PNCK: variants seen among roughly 807,000 people sequenced by gnomAD.
PNCK encodes the protein calcium/calmodulin-dependent protein kinase type 1B.
In PNCK, 21 loss-of-function variants were observed where a neutral mutation model predicts 28.3. That is an observed-to-expected ratio of 0.74 (90% CI 0.53 to 1.07). The LOEUF is 1.07. PNCK is among the 50% of genes least tolerant of loss of function. PNCK has a pLI of 0.00. For missense variants in PNCK, 250 were observed against 298.3 expected (o/e 0.84, Z 1.19); for synonymous variants, 136 against 125.2 (o/e 1.09, Z -0.58).
intron 1 of PNCK, chrX:153,687,253 G>T: frequency 4.0e-6 from 1 of 250,809 alleles, no homozygotes; most frequent in South Asian, 3.7e-5. Context: ...GCCTTGCCTT[G>T]TTCCCGCTCC....
chrX:153,683,859 C>A (rs1269886514), intron 1 of PNCK, among the ~76,000 whole-genome samples: 1 of 111,579 alleles, frequency 9.0e-6, no homozygotes, highest in Non-Finnish European at 1.9e-5. Flanking sequence ...GTGGAGCCAT[C>A]TGGTAGTGAG....
chrX:153,671,798 C>A, intron 5 of PNCK, 82 bp downstream of exon 5: 1 of 1,178,036 alleles, frequency 8.5e-7, no homozygotes, highest in Non-Finnish European at 1.1e-6. Context: ...TCAAGAAAGG[C>A]CCCAGCCGTG....
intron 1 of PNCK, chrX:153,673,381 C>T: frequency 2.1e-6 from 2 of 947,082 alleles, no homozygotes; most frequent in Admixed American, 3.4e-5. Context: ...CAGAAGGCTC[C>T]ATGCTCACCC....
chrX:153,683,310 T>C (rs2091403466), intron 1 of PNCK, among the ~76,000 whole-genome samples: 1 of 110,523 alleles, frequency 9.0e-6, no homozygotes, highest in African/African-American at 3.3e-5. Context: ...CTGGTTAATT[T>C]TTTGTATTTT....
At chrX:153,678,694 T>C (rs2148349317), upstream of PNCK, among the ~76,000 whole-genome samples, 1 of 111,398 alleles carries the variant, frequency 9.0e-6, no homozygotes, top group South Asian at 3.8e-4. Flanking sequence ...TTCTATGGGT[T>C]TTGACATATT....
rs1468074812 is a variant in PNCK, at chrX:153,670,525, C to T, written c.964G>A (p.Ala322Thr). 2 of 1,209,729 alleles carry T rather than the reference C, an allele frequency of 1.7e-6. No homozygotes were observed. The highest frequency in any genetic ancestry group is 2.2e-5 in the Admixed American group (1 of 46,004). ...TGGCGGGCCATGCCCTGCTCAGAGG[C>T]CCCCTCGCCCTCTGGGATCTGCCCC... ...KLGQIPEGEG[A>T]SEQGMARHSH... Residue 322 changes from alanine (A) to threonine (T), a missense_variant, in exon 11 of 12, where the codon GCC becomes ACC. Coordinates refer to ENST00000340888, the MANE Select transcript of PNCK (RefSeq NM_001366977.1).
chrX:153,674,022 C>G (rs782268171), upstream of PNCK: 9 of 1,189,977 alleles, frequency 7.6e-6, no homozygotes, highest in East Asian at 2.8e-4. Flanking sequence ...TGCGGCCCGG[C>G]TGGGCCGGCC....
intron 1 of PNCK, among the ~76,000 whole-genome samples, chrX:153,686,238 A>C (rs1557043146): frequency 8.9e-6 from 1 of 111,877 alleles, no homozygotes; most frequent in African/African-American, 3.2e-5. Flanking sequence ...AACCCACCGG[A>C]GGAGTAACCG....
intron 1 of PNCK, among the ~76,000 whole-genome samples, chrX:153,685,373 C>A (rs1429709131): frequency 1.8e-5 from 2 of 110,985 alleles, no homozygotes; most frequent in Non-Finnish European, 3.8e-5. Flanking sequence ...TGTCACTGGC[C>A]GCCCGGGTCA....
At chrX:153,686,794 C>G (rs1438752231) in intron 1 of PNCK, 1 of 112,653 alleles carries the variant, frequency 8.9e-6, no homozygotes, top group Non-Finnish European at 1.9e-5. Flanking sequence ...ACCACACACA[C>G]CCCTTGAGGC....
intron 1 of PNCK, among the ~76,000 whole-genome samples, chrX:153,683,478 CTG>C (rs1428886227): frequency 9.2e-6 from 1 of 108,482 alleles, no homozygotes; most frequent in Non-Finnish European, 1.9e-5. Context: ...GAGTCTCACT[CTG>C]TTGCCCAGGC....
chrX:153,687,085 C>G (rs1286148510), intron 1 of PNCK: 2 of 151,616 alleles, frequency 1.3e-5, no homozygotes, highest in Non-Finnish European at 2.5e-5. Context: ...AGCTGCTCAG[C>G]TGGCGGCGGA....
intron 1 of PNCK, among the ~76,000 whole-genome samples, chrX:153,683,135 T>G (rs2051128301): frequency 1.8e-5 from 2 of 112,248 alleles, no homozygotes; most frequent in African/African-American, 3.2e-5. Flanking sequence ...GGCTGGGATT[T>G]ATTTATTTAT....
upstream of PNCK, chrX:153,674,096 CTCTCTGCCTTCCAG>C (rs782322348): frequency 8.3e-7 from 1 of 1,210,548 alleles, no homozygotes; most frequent in Non-Finnish European, 1.1e-6. Flanking sequence ...GTCGGCAAGG[CTCTCTGCCTTCCAG>C]TCTCTGCCTT....
upstream of PNCK, among the ~76,000 whole-genome samples, chrX:153,679,486 G>A (rs191369703): frequency 3.5e-4 from 38 of 108,560 alleles, no homozygotes; most frequent in East Asian, 0.011. Flanking sequence ...TCTTTGGAGA[G>A]GCATCTGTTC....
At chrX:153,679,594 C>G (rs1235488175), upstream of PNCK, among the ~76,000 whole-genome samples, 2 of 44,195 alleles carry the variant, frequency 4.5e-5, no homozygotes, top group African/African-American at 1.0e-4. Flanking sequence ...TTTTTTGAGA[C>G]ACAGTCTTAT....
chrX:153,673,992 C>T, upstream of PNCK: 5 of 1,164,357 alleles, frequency 4.3e-6, no homozygotes, highest in Non-Finnish European at 5.7e-6. Flanking sequence ...CCACTGCTCG[C>T]TCGCGCCGCC....
chrX:153,672,756 G>A (rs1557040447), intron 2 of PNCK, 59 bp from the exon 3 acceptor site: 9 of 1,141,542 alleles, frequency 7.9e-6, no homozygotes, highest in African/African-American at 1.8e-5. Context: ...AGAGGCAGGA[G>A]GGAGAGAGAG....
rs144452893 is a variant in PNCK at position 153,672,654 on chromosome X, C to A, written c.112G>T (p.Ala38Ser). 1.2e-5 allele frequency: 15 copies of A among 1,203,874 alleles called. No homozygotes were observed. Among genetic ancestry groups the A allele is most frequent in the Non-Finnish European group, 1.6e-5 (14 of 894,714 alleles). ...ATGCACTTGAGGGCCACGAGGTGTG[C>A]GGAGCCCCGCTCCTGGGCCAGCACC... ...EVVLAQERGS[A>S]HLVALKCIPK... Residue 38 changes from alanine (A) to serine (S), a missense_variant, in exon 3 of 12, where the codon GCA (alanine) becomes TCA (serine). Ala to Ser is a moderately conservative substitution (Grantham distance 99). Coordinates refer to ENST00000340888, the MANE Select transcript of PNCK (RefSeq NM_001366977.1).
Sources: allele counts gnomAD v4.1 joint callset (sites outside exome capture counted in the v4.1 genomes callset), GRCh38; gene constraint gnomAD v4.1.1; transcripts MANE v1.5; gene names NCBI Gene and HGNC (gene_info 2026-07-23, HGNC 2026-07-21).